Variants in GIMAP1 observed in about 807,000 individuals in gnomAD.
GIMAP1 encodes the protein GTPase, IMAP family member 1.
For synonymous variants in GIMAP1, 230 were observed against 187.7 expected (o/e 1.23, Z -1.84); for missense variants, 423 against 411.9 (o/e 1.03, Z -0.23).
At chr7:150,717,890 A>C (rs1797239593) in intron 1 of GIMAP1, among the ~76,000 whole-genome samples, 3 of 152,220 alleles carry the variant, frequency 2.0e-5, no homozygotes, top group Admixed American at 6.5e-5. Context: ...AATATGAGGC[A>C]AATCTGTTCT....
In GIMAP1 at chr7:150,720,995, T is replaced by A; in HGVS notation, c.*70T>A. 1 of 1,362,812 alleles carries A rather than the reference T, an allele frequency of 7.3e-7. No individual in the cohort carries two copies. Among genetic ancestry groups the A allele is most frequent in the South Asian group, 1.5e-5 (1 of 65,202 alleles). The allele number at this position is 1,362,812 out of a possible 1,614,324, so 84.4% of individuals were successfully genotyped here. A position where few individuals can be genotyped will look rare whatever the true frequency, so the allele number is the denominator to read the frequency against. ...GAATTCTTGGAGCTGAAGGGAAAAC[T>A]TCATTCCAACGGAAGGAATCCTGTA... On this transcript the variant is annotated 3_prime_UTR_variant, in exon 3 of 3. Transcript: ENST00000307194. This position sits in a 1 kb window ranked among gnomAD's most constrained non-coding sequence, Gnocchi z 4.5.
Position 150,720,425 on chromosome 7 carries a change from G to A in GIMAP1, c.421G>A (p.Glu141Lys), listed in dbSNP as rs772952752. The A allele has an allele frequency of 1.3e-6, 2 of 1,578,100 alleles. No homozygotes were observed. The highest frequency in any genetic ancestry group is 1.7e-6 in the Non-Finnish European group (2 of 1,160,412). The part of the protein sequence containing the change: ...AVRQVRDMFG[E>K]DVLKWMVIVF... ...GAGGCAGGTGAGGGACATGTTCGGG[G>A]AGGACGTCCTAAAATGGATGGTCAT... is the stretch of plus-strand genomic sequence containing the variant. The change falls in exon 3 of 3, where the codon GAG becomes AAG. Residue 141 changes from glutamate (E) to lysine (K), a missense_variant. Coordinates refer to ENST00000307194, the MANE Select transcript of GIMAP1 (RefSeq NM_130759.4). The surrounding 1 kb of genome is among the most constrained non-coding windows in gnomAD (Gnocchi z 4.5).
chr7:150,724,039 A>C lies in GIMAP1; in HGVS notation c.*3114A>C, dbSNP rs1401672613. The C allele has an allele frequency of 6.6e-6, 1 of 152,182 alleles. No individual in the cohort carries two copies. The highest frequency in any genetic ancestry group is 1.9e-4 in the East Asian group (1 of 5,200). The allele number at this position is 152,182 out of a possible 1,614,324, so 9.4% of individuals were successfully genotyped here. ...ACATATTCTTACACAATCAATATTC[A>C]GTTCCAGCCCGCACAGTAGCCCTAG... On this transcript the variant is annotated 3_prime_UTR_variant, in exon 3 of 3. Transcript: ENST00000307194.
chr7:150,719,874 T>C (rs185466606), intron 2 of GIMAP1, among the ~76,000 whole-genome samples, 174 bp from the exon 3 acceptor site: 2 of 152,312 alleles, frequency 1.3e-5, no homozygotes, highest in East Asian at 1.9e-4. Context: ...TCAACTGTAG[T>C]TGGAGCATCT....
In GIMAP1 at chr7:150,720,411, G is replaced by A. The variant is rs1248113131; in HGVS notation, c.407G>A (p.Arg136Lys). The stretch of plus-strand genomic sequence containing the variant: ...GACCAGCAGGCGGTGAGGCAGGTGA[G>A]GGACATGTTCGGGGAGGACGTCCTA... ...AQDQQAVRQV[R>K]DMFGEDVLKW... Residue 136 changes from arginine (R) to lysine (K), a missense_variant, in exon 3 of 3, where the codon AGG becomes AAG. Arg to Lys is a conservative substitution (Grantham distance 26, BLOSUM62 2). Transcript: ENST00000307194. The surrounding 1 kb of genome is among the most constrained non-coding windows in gnomAD (Gnocchi z 4.5). 1.5e-5 allele frequency: 23 copies of A among 1,585,924 alleles called. No individual in the cohort carries two copies. Among genetic ancestry groups the A allele is most frequent in the Non-Finnish European group, 1.8e-5 (21 of 1,164,148 alleles).
intron 1 of GIMAP1, among the ~76,000 whole-genome samples, chr7:150,718,141 G>T (rs370821027): frequency 2.0e-5 from 3 of 152,176 alleles, no homozygotes; most frequent in African/African-American, 7.2e-5. Flanking sequence ...CTGACCGAGT[G>T]GGGTATTGTC....
In GIMAP1 at chr7:150,720,813, C is replaced by A. The variant is rs754473167; in HGVS notation, c.809C>A (p.Ser270Tyr). The A allele has an allele frequency of 7.5e-6, 12 of 1,596,970 alleles. No individual in the cohort carries two copies. The Admixed American group carries it at 1.6e-4, about 21-fold the overall frequency. Residue 270 changes from serine to tyrosine, a missense_variant, in exon 3 of 3, where the codon TCC becomes TAC. Transcript: ENST00000307194. This position sits in a 1 kb window ranked among gnomAD's most constrained non-coding sequence, Gnocchi z 4.5. Reference sequence around the variant, plus strand: ...GCCCGGCTGTGGAAGTGGCTGAAGTCCCCCAGGAGCTGGAGGCTGGGCCTG... The same window carrying A: ...GCCCGGCTGTGGAAGTGGCTGAAGTACCCCAGGAGCTGGAGGCTGGGCCTG... ...LSARLWKWLK[S>Y]PRSWRLGLAL...
chr7:150,720,430 C>A lies in GIMAP1; in HGVS notation c.426C>A (p.Asp142Glu), dbSNP rs1462319111. 6.3e-7 allele frequency: 1 copy of A among 1,575,286 alleles called. No individual in the cohort carries two copies. Among genetic ancestry groups the A allele is most frequent in the Non-Finnish European group, 8.6e-7 (1 of 1,159,052 alleles). ...VRQVRDMFGE[D>E]VLKWMVIVFT... Reference sequence around the variant, plus strand: ...AGGTGAGGGACATGTTCGGGGAGGACGTCCTAAAATGGATGGTCATCGTCT... The same window carrying A: ...AGGTGAGGGACATGTTCGGGGAGGAAGTCCTAAAATGGATGGTCATCGTCT... Residue 142 changes from aspartate (D) to glutamate (E), a missense_variant, in exon 3 of 3, where the codon GAC becomes GAA. Asp to Glu is a conservative substitution (Grantham distance 45). Coordinates refer to ENST00000307194, the MANE Select transcript of GIMAP1 (RefSeq NM_130759.4). This position sits in a 1 kb window ranked among gnomAD's most constrained non-coding sequence, Gnocchi z 4.5.
Position 150,724,057 on chromosome 7 carries a change from A to G in GIMAP1, c.*3132A>G, listed in dbSNP as rs1201698042. On this transcript the variant is annotated 3_prime_UTR_variant, in exon 3 of 3. Transcript: ENST00000307194. Reference sequence around the variant, plus strand: ...AATATTCAGTTCCAGCCCGCACAGTAGCCCTAGCAAATGCCAGTGCTCCTT... The same window carrying G: ...AATATTCAGTTCCAGCCCGCACAGTGGCCCTAGCAAATGCCAGTGCTCCTT... 3 of 152,186 alleles carry G rather than the reference A, an allele frequency of 2.0e-5. No homozygotes were observed. Among genetic ancestry groups the G allele is most frequent in the African/African-American group, 7.2e-5 (3 of 41,444 alleles). 9.4% of individuals were successfully genotyped at this position (152,186 alleles called of 1,614,324 possible). A position where few individuals can be genotyped will look rare whatever the true frequency, so the allele number is the denominator to read the frequency against.
At position 150,723,758 on chromosome 7, in the gene GIMAP1, A is replaced by G. The variant is rs1797341155; in HGVS notation, c.*2833A>G. 1 of 152,220 alleles carries G rather than the reference A, an allele frequency of 6.6e-6. No individual in the cohort carries two copies. Among genetic ancestry groups the G allele is most frequent in the Admixed American group, 6.5e-5 (1 of 15,274 alleles). 9.4% of individuals were successfully genotyped at this position (152,220 alleles called of 1,614,324 possible). On this transcript the variant is annotated 3_prime_UTR_variant, in exon 3 of 3. Transcript: ENST00000307194. ...AATTTTAACCAGACACAGTAAAAAT[A>G]CTGTCCAATACCTCAAAAATTGTGT... is the stretch of plus-strand genomic sequence containing the variant.
At chr7:150,719,418 A>G (rs6963446) in intron 2 of GIMAP1, 9,533 of 291,038 alleles carry the variant, frequency 0.033, 782 homozygotes, top group African/African-American at 0.18. Context: ...GAGAACAAGG[A>G]TAGAGGGTTA....
In GIMAP1 at chr7:150,721,409, T is replaced by G. The variant is rs1485699711; in HGVS notation, c.*484T>G. ...GAATGTTACTTCTGAGACATCAGTT[T>G]ATAGTACAATGATTTACTACCAAAA... On this transcript the variant is annotated 3_prime_UTR_variant, in exon 3 of 3. Coordinates refer to ENST00000307194, the MANE Select transcript of GIMAP1 (RefSeq NM_130759.4). 6.5e-6 allele frequency: 1 copy of G among 152,994 alleles called. No homozygotes were observed. Among genetic ancestry groups the G allele is most frequent in the Non-Finnish European group, 1.5e-5 (1 of 68,654 alleles). The allele number at this position is 152,994 out of a possible 1,614,324, so 9.5% of individuals were successfully genotyped here.
chr7:150,723,420 G>A lies in GIMAP1; in HGVS notation c.*2495G>A, dbSNP rs948345390. ...AATTCTTTCGCGCAAGCATGTCATT[G>A]TATTAATGATATTCTCCTGCCCTAA... is the stretch of plus-strand genomic sequence containing the variant. On this transcript the variant is annotated 3_prime_UTR_variant, in exon 3 of 3. Coordinates refer to ENST00000307194, the MANE Select transcript of GIMAP1 (RefSeq NM_130759.4). 21 of 147,668 alleles carry A rather than the reference G, an allele frequency of 1.4e-4. No homozygotes were observed. The highest frequency in any genetic ancestry group is 5.6e-4 in the African/African-American group (21 of 37,210). 9.1% of individuals were successfully genotyped at this position (147,668 alleles called of 1,614,324 possible). A position where few individuals can be genotyped will look rare whatever the true frequency, so the allele number is the denominator to read the frequency against.
At chr7:150,719,912 A>G (rs1026430140) in intron 2 of GIMAP1, 136 bp from the exon 3 acceptor site, 2 of 1,242,702 alleles carry the variant, frequency 1.6e-6, no homozygotes, top group African/African-American at 1.5e-5. Context: ...ACCCAAATAC[A>G]AAAGGAAAAG....
Position 150,720,702 on chromosome 7 carries a change from G to T in GIMAP1, c.698G>T (p.Trp233Leu). 6.3e-7 allele frequency: 1 copy of T among 1,584,752 alleles called. No homozygotes were observed. The highest frequency in any genetic ancestry group is 8.6e-7 in the Non-Finnish European group (1 of 1,165,284). The change falls in exon 3 of 3, where the codon TGG becomes TTG. Residue 233 changes from tryptophan to leucine, a missense_variant. By Grantham distance (61) the Trp-to-Leu change is moderately conservative (BLOSUM62 -2). Coordinates refer to ENST00000307194, the MANE Select transcript of GIMAP1 (RefSeq NM_130759.4). The surrounding 1 kb of genome is among the most constrained non-coding windows in gnomAD (Gnocchi z 4.5). Reference sequence around the variant, plus strand: ...TATGAGCTGGCGCAGGTGCTGCGCTGGGCAGGCCCTGAGGAGCGGCTCCGG... The same window carrying T: ...TATGAGCTGGCGCAGGTGCTGCGCTTGGCAGGCCCTGAGGAGCGGCTCCGG... ...EVYELAQVLR[W>L]AGPEERLRRV...
Position 150,720,005 on chromosome 7 carries a change from A to G in GIMAP1, c.44-43A>G. 3 of 1,508,484 alleles carry G rather than the reference A, an allele frequency of 2.0e-6. No homozygotes were observed. The highest frequency in any genetic ancestry group is 2.7e-6 in the Non-Finnish European group (3 of 1,129,270). 93.4% of individuals were successfully genotyped at this position (1,508,484 alleles called of 1,614,324 possible). On this transcript the variant is annotated intron_variant, in intron 2 of 2. Coordinates refer to ENST00000307194, the MANE Select transcript of GIMAP1 (RefSeq NM_130759.4). This position sits in a 1 kb window ranked among gnomAD's most constrained non-coding sequence, Gnocchi z 4.5. ...AAGAAGATTCCAGTTCCCAAGGGGA[A>G]GTTGGTTAAACTTAAGTAAGATTAT...
chr7:150,720,720 G>A lies in GIMAP1; in HGVS notation c.716G>A (p.Arg239Gln), dbSNP rs1381304423. 3.8e-6 allele frequency: 6 copies of A among 1,572,514 alleles called. No individual in the cohort carries two copies. The highest frequency in any genetic ancestry group is 1.1e-5 in the South Asian group (1 of 87,100). Residue 239 changes from arginine (R) to glutamine (Q), a missense_variant, in exon 3 of 3, where the codon CGG becomes CAG. By Grantham distance (43) the Arg-to-Gln change is conservative. Transcript: ENST00000307194. The surrounding 1 kb of genome is among the most constrained non-coding windows in gnomAD (Gnocchi z 4.5). ...CTGCGCTGGGCAGGCCCTGAGGAGC[G>A]GCTCCGGCGGGTGGCGGAGCGCGTG... is the stretch of plus-strand genomic sequence containing the variant. ...QVLRWAGPEE[R>Q]LRRVAERVAA...
chr7:150,716,824 T>C (rs3800786), intron 1 of GIMAP1, 134 bp downstream of exon 1: 51,041 of 151,774 alleles, frequency 0.34, 8,740 homozygotes, highest in East Asian at 0.49. Context: ...TCTGGAACAA[T>C]CAAGGACATA....
At chr7:150,716,845 T>C (rs1797224111) in intron 1 of GIMAP1, among the ~76,000 whole-genome samples, 155 bp downstream of exon 1, 1 of 152,040 alleles carries the variant, frequency 6.6e-6, no homozygotes, top group Non-Finnish European at 1.5e-5. Flanking sequence ...CTTCCAGGTT[T>C]TTAAGTAGGC....
Sources: gnomAD v4.1 joint callset for allele counts (sites outside exome capture counted in the v4.1 genomes callset) on GRCh38, gnomAD v4.1.1 for gene constraint, Gnocchi (gnomAD v3.1) non-coding constraint, MANE v1.5 for transcripts, NCBI Gene and HGNC (gene_info 2026-07-23, HGNC 2026-07-21) for gene names.